TMEM132D: variants seen among roughly 807,000 people sequenced by gnomAD.
The protein encoded by TMEM132D is mature OL transmembrane protein.
A neutral mutation model predicts 62.3 loss-of-function variants in TMEM132D; 21 were observed. The observed-to-expected ratio is 0.34, with a 90% CI of 0.24 to 0.49. TMEM132D has a LOEUF of 0.49. Among genes scored for constraint, TMEM132D ranks in the 20% least tolerant of loss-of-function variants. The probability of loss-of-function intolerance (pLI) is 0.99; values close to 1 mark genes in which losing one functional copy is unlikely to be tolerated. For missense variants in TMEM132D, 1,346 were observed against 1,402.8 expected (o/e 0.96, Z 0.65); for synonymous variants, 621 against 575.6 (o/e 1.08, Z -1.13).
At chr12:129,820,382 C>G (rs1279782123) in intron 1 of TMEM132D, among the ~76,000 whole-genome samples, 2 of 152,180 alleles carry the variant, frequency 1.3e-5, no homozygotes, top group Admixed American at 6.5e-5. Flanking sequence ...CTCAGAGAAT[C>G]TACGTGGTTA....
intron 4 of TMEM132D, among the ~76,000 whole-genome samples, chr12:129,226,928 A>G (rs1294838221): frequency 6.6e-6 from 1 of 152,196 alleles, no homozygotes; most frequent in Non-Finnish European, 1.5e-5. Context: ...CCGCCTGAAG[A>G]AATCTCCTGT....
At chr12:129,769,162 C>G (rs1270487814) in intron 1 of TMEM132D, among the ~76,000 whole-genome samples, 8 of 152,192 alleles carry the variant, frequency 5.3e-5, no homozygotes, top group Admixed American at 2.6e-4. Context: ...GTTGGTGCCC[C>G]CTCCCCTAGG....
chr12:129,293,606 T>G (rs572187809), intron 4 of TMEM132D, among the ~76,000 whole-genome samples: 1 of 152,292 alleles, frequency 6.6e-6, no homozygotes, highest in South Asian at 2.1e-4. Flanking sequence ...CTTGTTTTCC[T>G]GCAATGAGAT....
chr12:129,076,135 A>T (rs941507518), intron 8 of TMEM132D, among the ~76,000 whole-genome samples: 4 of 152,192 alleles, frequency 2.6e-5, no homozygotes, highest in African/African-American at 7.2e-5. Flanking sequence ...AGACTGACAA[A>T]GTTATGCTTG....
At chr12:129,881,876 C>G (rs1395756463) in intron 1 of TMEM132D, among the ~76,000 whole-genome samples, 1 of 151,950 alleles carries the variant, frequency 6.6e-6, no homozygotes, top group East Asian at 1.9e-4. Flanking sequence ...TCATAAATCT[C>G]TAGCCAGACT....
At chr12:129,090,967 C>T (rs1185102940) in intron 5 of TMEM132D, among the ~76,000 whole-genome samples, 1 of 152,146 alleles carries the variant, frequency 6.6e-6, no homozygotes, top group African/African-American at 2.4e-5. Flanking sequence ...CATGTCTCCA[C>T]CCAAAAGTGG....
chr12:129,899,866 ACT>A (rs1875294619), intron 1 of TMEM132D, among the ~76,000 whole-genome samples: 3 of 132,392 alleles, frequency 2.3e-5, no homozygotes, highest in East Asian at 4.2e-4. Flanking sequence ...AAAAAGCCAC[ACT>A]CTCTCTCTCC....
In TMEM132D at chr12:129,074,436, C is replaced by T. The variant is rs2135603087; in HGVS notation, c.2739G>A (p.Leu913=). The change falls in exon 9 of 9, where the codon CTG becomes CTA. Residue 913 remains leucine, a synonymous_variant. Transcript: ENST00000422113. ...CATACATCCCAATTTCTAAGTCGCTCAGCCCTTTGGATGCCTGCATAAGGT... is the reference window on the plus strand; with the variant it reads ...CATACATCCCAATTTCTAAGTCGCTTAGCCCTTTGGATGCCTGCATAAGGT... ...GNDLMQASKG[L]SDLEIGMYAL... is the part of the protein sequence containing the mutation. 1 of 1,614,148 alleles carries T rather than the reference C, an allele frequency of 6.2e-7. No homozygotes were observed. Among genetic ancestry groups the T allele is most frequent in the Non-Finnish European group, 8.5e-7 (1 of 1,180,052 alleles).
chr12:129,417,138 T>C (rs994913661), intron 3 of TMEM132D, among the ~76,000 whole-genome samples: 1 of 152,190 alleles, frequency 6.6e-6, no homozygotes, highest in African/African-American at 2.4e-5. Flanking sequence ...AGTTCCTCTT[T>C]GTACCTCTGG....
intron 4 of TMEM132D, among the ~76,000 whole-genome samples, chr12:129,237,086 T>C (rs1226494088): frequency 1.3e-5 from 2 of 152,220 alleles, no homozygotes; most frequent in Non-Finnish European, 2.9e-5. Flanking sequence ...CACTTGGTTA[T>C]GTTGAACAAT....
intron 3 of TMEM132D, among the ~76,000 whole-genome samples, chr12:129,423,766 G>C (rs1040668583): frequency 6.6e-6 from 1 of 151,984 alleles, no homozygotes; most frequent in Non-Finnish European, 1.5e-5. Context: ...CCATTGACTC[G>C]GACTAGAAAT....
At chr12:129,690,502 G>A (rs534867169) in intron 2 of TMEM132D, among the ~76,000 whole-genome samples, 1 of 152,170 alleles carries the variant, frequency 6.6e-6, no homozygotes, top group East Asian at 1.9e-4. Context: ...TAAAGAGAGA[G>A]AAAGATCATG....
intron 2 of TMEM132D, among the ~76,000 whole-genome samples, chr12:129,668,359 G>A (rs2137197556): frequency 6.6e-6 from 1 of 151,166 alleles, no homozygotes; most frequent in Non-Finnish European, 1.5e-5. Flanking sequence ...AAAATTCCTA[G>A]TCAATTGTAG....
At chr12:129,320,961 C>A (rs1008930648) in intron 4 of TMEM132D, among the ~76,000 whole-genome samples, 3 of 148,192 alleles carry the variant, frequency 2.0e-5, no homozygotes, top group Non-Finnish European at 4.4e-5. Flanking sequence ...ATTATTTATA[C>A]AAATCTATCT....
intron 5 of TMEM132D, among the ~76,000 whole-genome samples, chr12:129,143,777 A>C (rs1462732410): frequency 6.6e-6 from 1 of 152,178 alleles, no homozygotes; most frequent in African/African-American, 2.4e-5. Context: ...TCTGGGTAGC[A>C]CAGTATACCT....
intron 3 of TMEM132D, among the ~76,000 whole-genome samples, chr12:129,490,491 C>T (rs1874743345): frequency 7.4e-6 from 1 of 135,924 alleles, no homozygotes; most frequent in African/African-American, 2.9e-5. Flanking sequence ...TGCAGTGGCG[C>T]GATCTCGGCT....
intron 1 of TMEM132D, among the ~76,000 whole-genome samples, chr12:129,707,467 TAA>T (rs1881533903): frequency 6.6e-6 from 1 of 152,130 alleles, no homozygotes; most frequent in African/African-American, 2.4e-5. Context: ...TATGAAATTC[TAA>T]AAGACACACA....
At chr12:129,211,492 A>G (rs991512411) in intron 4 of TMEM132D, among the ~76,000 whole-genome samples, 1 of 152,224 alleles carries the variant, frequency 6.6e-6, no homozygotes, top group African/African-American at 2.4e-5. Flanking sequence ...AATGCCTGTT[A>G]GTAGAATGCC....
rs779786583 is a variant in TMEM132D, at chr12:129,531,119, G to A, written c.1055C>T (p.Thr352Ile). Residue 352 changes from threonine to isoleucine, a missense_variant, in exon 3 of 9, where the codon ACT becomes ATT. Coordinates refer to ENST00000422113, the MANE Select transcript of TMEM132D (RefSeq NM_133448.3). ...GATGACAGCTGGTGCATACTTTCCAGTATAATCCGTGCGCTCCTTGACATC... is the reference window on the plus strand; with the variant it reads ...GATGACAGCTGGTGCATACTTTCCAATATAATCCGTGCGCTCCTTGACATC... ...IWDVKERTDY[T>I]GKYAPAVIVC... 1 of 1,614,028 alleles carries A rather than the reference G, an allele frequency of 6.2e-7. No individual in the cohort carries two copies. The highest frequency in any genetic ancestry group is 2.2e-5 in the East Asian group (1 of 44,872).
Sources: allele counts gnomAD v4.1 joint callset (sites outside exome capture counted in the v4.1 genomes callset), GRCh38; gene constraint gnomAD v4.1.1; transcripts MANE v1.5; gene names NCBI Gene and HGNC (gene_info 2026-07-23, HGNC 2026-07-21).